DACH2: variants seen among roughly 807,000 people sequenced by gnomAD.
DACH2 encodes dachshund homolog 2.
A neutral mutation model predicts 35.8 loss-of-function variants in DACH2; 17 were observed. The ratio of observed to expected loss-of-function variants is 0.48; its 90% confidence interval spans 0.33 to 0.71. DACH2 has a LOEUF of 0.71. DACH2 is among the 30% of genes least tolerant of loss of function. The pLI, the probability that DACH2 is intolerant of heterozygous loss-of-function variation, is 0.02. For synonymous variants in DACH2, 195 were observed against 177.3 expected (o/e 1.10, Z -0.79); for missense variants, 469 against 472.7 (o/e 0.99, Z 0.07).
intron 1 of DACH2, among the ~76,000 whole-genome samples, chrX:86,294,789 C>A (rs1395320164): frequency 9.2e-6 from 1 of 109,013 alleles, no homozygotes; most frequent in African/African-American, 3.4e-5. Context: ...CTCAGATCTC[C>A]AGCTGCGTGC....
chrX:86,411,020 T>TTTTATATATATATATATATATATA (rs1556108950), intron 2 of DACH2, among the ~76,000 whole-genome samples: 100 of 40,496 alleles, frequency 2.5e-3, no homozygotes, highest in Non-Finnish European at 4.1e-3. Flanking sequence ...ACTAATATGA[T>TTTTATATATATATATATATATATA]TATATATATA....
rs138165265 is a variant in DACH2, at chrX:86,644,143, G to A, written c.641-6893G>A. ...AATCAGGCAAAGGAAAGAAAAAAGGGCATCTGAATAGGAAGAGAGGAAGTC... is the reference window on the plus strand; with the variant it reads ...AATCAGGCAAAGGAAAGAAAAAAGGACATCTGAATAGGAAGAGAGGAAGTC... On this transcript the variant is annotated intron_variant, in intron 3 of 11. Transcript: ENST00000373125. 5.2e-3 allele frequency among the ~76,000 whole-genome samples: 578 copies of A among 111,150 alleles called. 3 individuals are homozygous for A. The highest frequency in any genetic ancestry group is 0.018 in the African/African-American group (546 of 30,620).
At chrX:86,831,053 C>T (rs953024590) in intron 11 of DACH2, 1 of 111,272 alleles carries the variant, frequency 9.0e-6, no homozygotes, top group Non-Finnish European at 1.9e-5. Flanking sequence ...CTAACCCAAA[C>T]CCCAAATCTT....
chrX:86,366,798 T>C (rs1334568688), intron 1 of DACH2, among the ~76,000 whole-genome samples: 2 of 110,107 alleles, frequency 1.8e-5, no homozygotes. Flanking sequence ...CCCACCCCCC[T>C]TTTTGCTTCC....
intron 1 of DACH2, among the ~76,000 whole-genome samples, chrX:86,167,731 G>T (rs778496336): frequency 6.4e-4 from 71 of 110,663 alleles, no homozygotes; most frequent in Non-Finnish European, 8.7e-4. Flanking sequence ...CATAGTTTTG[G>T]TATTTTGTGG....
At chrX:86,396,161 T>G (rs2036286201) in intron 2 of DACH2, among the ~76,000 whole-genome samples, 1 of 112,284 alleles carries the variant, frequency 8.9e-6, no homozygotes, top group African/African-American at 3.2e-5. Flanking sequence ...TTTTTTCATG[T>G]GTTTTTTGGC....
intron 3 of DACH2, among the ~76,000 whole-genome samples, chrX:86,539,508 C>A: frequency 9.0e-6 from 1 of 111,472 alleles, no homozygotes; most frequent in East Asian, 2.8e-4. Flanking sequence ...ATTACCTTCC[C>A]ATTTTCATTT....
At chrX:86,626,561 T>C (rs753738203) in intron 3 of DACH2, among the ~76,000 whole-genome samples, 1 of 113,057 alleles carries the variant, frequency 8.8e-6, no homozygotes, top group Non-Finnish European at 1.9e-5. Flanking sequence ...GCCCTAGTAG[T>C]ACATGTTCTC....
At chrX:86,295,336 T>A (rs1488959677) in intron 1 of DACH2, among the ~76,000 whole-genome samples, 1 of 112,223 alleles carries the variant, frequency 8.9e-6, no homozygotes, top group Non-Finnish European at 1.9e-5. Flanking sequence ...CCTAGTGAGA[T>A]GAACCCAGTA....
chrX:86,523,132 T>G (rs187009111), intron 3 of DACH2, among the ~76,000 whole-genome samples: 23 of 112,070 alleles, frequency 2.1e-4, no homozygotes, highest in East Asian at 2.0e-3. Context: ...AAATTGTTTT[T>G]TAAGAATGTC....
In DACH2 at chrX:86,205,477, CTT is replaced by C. The variant is rs1215713615; in HGVS notation, c.488+56370_488+56371del. On this transcript the variant is annotated intron_variant, in intron 1 of 11. Transcript: ENST00000373125. The stretch of plus-strand genomic sequence containing the variant: ...CCCTCCCTCCCTCCCTCCTTCCCTC[CTT>C]CCCTCCTTCCCTCCTTCCTTCCTTC... 1.7e-4 allele frequency among the ~76,000 whole-genome samples: 9 copies of C among 52,213 alleles called. 1 individual carries two copies. The highest frequency in any genetic ancestry group is 1.4e-3 in the African/African-American group (9 of 6,546). The allele number at this position is 52,213 out of a possible 115,157, so 45.3% of individuals were successfully genotyped here.
At chrX:86,409,637 G>C (rs899362175) in intron 2 of DACH2, among the ~76,000 whole-genome samples, 2 of 111,433 alleles carry the variant, frequency 1.8e-5, no homozygotes, top group Non-Finnish European at 1.9e-5. Context: ...CTCCCCAGAA[G>C]TAGATGCCAC....
chrX:86,199,276 G>A (rs2032080703), intron 1 of DACH2, among the ~76,000 whole-genome samples: 1 of 111,085 alleles, frequency 9.0e-6, no homozygotes, highest in Non-Finnish European at 1.9e-5. Flanking sequence ...CAAAATAATA[G>A]GAGCCATCTC....
intron 7 of DACH2, among the ~76,000 whole-genome samples, chrX:86,800,618 A>G (rs1279116413): frequency 8.9e-6 from 1 of 111,757 alleles, no homozygotes; most frequent in Non-Finnish European, 1.9e-5. Context: ...CTTTGATAAA[A>G]CTTAAGAAAT....
At chrX:86,650,384 C>T (rs187331988) in intron 3 of DACH2, among the ~76,000 whole-genome samples, 1 of 111,003 alleles carries the variant, frequency 9.0e-6, no homozygotes, top group East Asian at 2.9e-4. Context: ...CTTCTTCTCC[C>T]CCTCCCTGCT....
chrX:86,438,355 C>T (rs1174979749), intron 2 of DACH2, among the ~76,000 whole-genome samples: 2 of 108,874 alleles, frequency 1.8e-5, no homozygotes, highest in Non-Finnish European at 3.8e-5. Context: ...TCCCAAGGAG[C>T]TGGGATTACA....
intron 6 of DACH2, among the ~76,000 whole-genome samples, chrX:86,727,445 GT>G (rs766690554): frequency 2.1e-3 from 229 of 110,097 alleles, no homozygotes; most frequent in African/African-American, 6.9e-3. Flanking sequence ...TTACTGTCAT[GT>G]TTTTTTTTCT....
intron 1 of DACH2, among the ~76,000 whole-genome samples, chrX:86,176,848 G>T (rs1267693969): frequency 6.2e-5 from 7 of 112,066 alleles, no homozygotes; most frequent in Non-Finnish European, 1.3e-4. Flanking sequence ...ATGGAAGACT[G>T]TAATTTATTA....
intron 7 of DACH2, among the ~76,000 whole-genome samples, chrX:86,746,745 A>T (rs1477705769): frequency 9.0e-6 from 1 of 111,308 alleles, no homozygotes; most frequent in Non-Finnish European, 1.9e-5. Context: ...TTTTCGTAGT[A>T]TCCTTTGATG....
Sources: gnomAD v4.1 joint callset for allele counts (sites outside exome capture counted in the v4.1 genomes callset) on GRCh38, gnomAD v4.1.1 for gene constraint, MANE v1.5 for transcripts, NCBI Gene and HGNC (gene_info 2026-07-23, HGNC 2026-07-21) for gene names.